The following SEPTIN6 variants were observed in gnomAD, a reference collection of about 807,000 sequenced individuals.
SEPTIN6 encodes septin 6.
A neutral mutation model predicts 33.6 loss-of-function variants in SEPTIN6; 8 were observed. That is an observed-to-expected ratio of 0.24 (90% CI 0.14 to 0.43). SEPTIN6 has a LOEUF of 0.43. Ranked by LOEUF, SEPTIN6 falls within the 20% of genes least tolerant of loss-of-function variation. The pLI is 1.00. For missense variants in SEPTIN6, 250 were observed against 340.8 expected (o/e 0.73, Z 2.10); for synonymous variants, 131 against 140.0 (o/e 0.94, Z 0.45).
intron 1 of SEPTIN6, among the ~76,000 whole-genome samples, chrX:119,682,294 G>C (rs762224110): frequency 2.7e-5 from 3 of 111,496 alleles, no homozygotes; most frequent in African/African-American, 9.8e-5. Flanking sequence ...GAATGTATTC[G>C]CATGTTACCC....
At chrX:119,658,194 A>G (rs2054485381) in intron 3 of SEPTIN6, among the ~76,000 whole-genome samples, 1 of 112,431 alleles carries the variant, frequency 8.9e-6, no homozygotes, top group African/African-American at 3.2e-5. Context: ...TTTGCTGATT[A>G]TCTTTCCAGA....
Position 119,693,073 on chromosome X carries a change from T to TA in SEPTIN6, c.30+2dup. ...GGCCCTGGCACCCAAGCTCTGCACTTACCACCTGGCGAGCTATATCGGTCG... is the reference window on the plus strand; with the variant it reads ...GGCCCTGGCACCCAAGCTCTGCACTTAACCACCTGGCGAGCTATATCGGTCG... On this transcript the variant is annotated splice_region_variant and intron_variant, in intron 1 of 10. Coordinates refer to ENST00000394610, the MANE Select transcript of SEPTIN6 (RefSeq NM_145799.4). 2 of 1,174,293 alleles carry TA rather than the reference T, an allele frequency of 1.7e-6. No individual in the cohort carries two copies. The highest frequency in any genetic ancestry group is 2.3e-6 in the Non-Finnish European group (2 of 876,570).
rs1461143796 is a variant in SEPTIN6 at position 119,617,255 on chromosome X, A to T, written c.*2838T>A. ...AGAGTACTTAGGGTATTTTTTTTTT[A>T]AATAGTAACAGTTGTACTAATTTAA... is the stretch of plus-strand genomic sequence containing the variant. On this transcript the variant is annotated 3_prime_UTR_variant, in exon 11 of 11. Coordinates refer to ENST00000394610, the MANE Select transcript of SEPTIN6 (RefSeq NM_145799.4). 22 of 783,225 alleles carry T rather than the reference A, an allele frequency of 2.8e-5. No individual in the cohort carries two copies. Among genetic ancestry groups the T allele is most frequent in the Admixed American group, 7.7e-5 (1 of 12,920 alleles). 64.5% of individuals were successfully genotyped at this position (783,225 alleles called of 1,213,427 possible).
At chrX:119,647,451 C>T (rs1375385105) in intron 5 of SEPTIN6, among the ~76,000 whole-genome samples, 1 of 91,653 alleles carries the variant, frequency 1.1e-5, no homozygotes, top group Non-Finnish European at 2.1e-5. Flanking sequence ...TCTTTATTTA[C>T]TTTCTTTTTC....
At chrX:119,680,929 C>T (rs2057813478) in intron 1 of SEPTIN6, among the ~76,000 whole-genome samples, 1 of 105,315 alleles carries the variant, frequency 9.5e-6, no homozygotes, top group Non-Finnish European at 1.9e-5. Context: ...TGCATTGAGC[C>T]GAGATCACGC....
chrX:119,662,354 A>G (rs894786065), intron 3 of SEPTIN6, among the ~76,000 whole-genome samples: 2 of 111,747 alleles, frequency 1.8e-5, no homozygotes, highest in African/African-American at 3.3e-5. Context: ...TGTCCAAAAC[A>G]GAGCTGATTA....
At chrX:119,657,238 C>A (rs867675319) in intron 3 of SEPTIN6, among the ~76,000 whole-genome samples, 5,151 of 106,424 alleles carry the variant, frequency 0.048, 163 homozygotes, top group Non-Finnish European at 0.067. Context: ...AAAAACAAAA[C>A]AAAAAAACTG....
At chrX:119,650,559 C>T (rs760540348) in intron 4 of SEPTIN6, among the ~76,000 whole-genome samples, 1 of 111,528 alleles carries the variant, frequency 9.0e-6, no homozygotes, top group South Asian at 3.7e-4. Context: ...AGACTTGAAG[C>T]AGAAAGGTGA....
chrX:119,620,192 T>G lies in SEPTIN6; in HGVS notation c.*42-141A>C. On this transcript the variant is annotated intron_variant, in intron 10 of 10. Transcript: ENST00000394610. Reference sequence around the variant, plus strand: ...ATGTTAGATGGTCTTAAGGTCTTATTGCATTGGCTCCGGGGAACATGCTTT... The same window carrying G: ...ATGTTAGATGGTCTTAAGGTCTTATGGCATTGGCTCCGGGGAACATGCTTT... 6.4e-5 allele frequency: 31 copies of G among 487,166 alleles called. No homozygotes were observed. The South Asian group carries it at 1.0e-3, about 16-fold the overall frequency. The allele number at this position is 487,166 out of a possible 1,213,427, so 40.1% of individuals were successfully genotyped here. A position where few individuals can be genotyped will look rare whatever the true frequency, so the allele number is the denominator to read the frequency against.
At chrX:119,641,637 C>A (rs2054160830) in intron 5 of SEPTIN6, among the ~76,000 whole-genome samples, 1 of 111,627 alleles carries the variant, frequency 9.0e-6, no homozygotes, top group Non-Finnish European at 1.9e-5. Context: ...TTGGTGCTCA[C>A]AGGGAAAATG....
Position 119,618,181 on chromosome X carries a change from T to TTC in SEPTIN6, c.*1911_*1912insGA. 1.3e-6 allele frequency: 1 copy of TTC among 795,910 alleles called. No individual in the cohort carries two copies. Among genetic ancestry groups the TTC allele is most frequent in the East Asian group, 7.2e-5 (1 of 13,832 alleles). 65.6% of individuals were successfully genotyped at this position (795,910 alleles called of 1,213,427 possible). ...TCTGAGCAGATTTTTTTTTTTTTTT[T>TTC]TTTGGTCGTTGGTTTGTTTCTACCT... On this transcript the variant is annotated 3_prime_UTR_variant, in exon 11 of 11. Transcript: ENST00000394610.
At position 119,681,131 on chromosome X, in the gene SEPTIN6, G is replaced by A. The variant is rs146616830; in HGVS notation, c.31-5463C>T. On this transcript the variant is annotated intron_variant, in intron 1 of 10. Transcript: ENST00000394610. Reference sequence around the variant, plus strand: ...CATTGTTCAGAGTTAAATACGCAAAGGTAGGAAGGACAGAAGGACACAACA... The same window carrying A: ...CATTGTTCAGAGTTAAATACGCAAAAGTAGGAAGGACAGAAGGACACAACA... Among the ~76,000 whole-genome samples, 412 of 111,148 alleles carry A rather than the reference G, an allele frequency of 3.7e-3. 3 individuals carry two copies. Among genetic ancestry groups the A allele is most frequent in the African/African-American group, 0.012 (363 of 30,646 alleles).
At chrX:119,656,367 G>T (rs911834202) in intron 3 of SEPTIN6, among the ~76,000 whole-genome samples, 2 of 112,213 alleles carry the variant, frequency 1.8e-5, no homozygotes, top group Admixed American at 9.5e-5. Flanking sequence ...CATTTGAGCC[G>T]CAAGGATGAG....
At chrX:119,653,525 G>GT (rs1381344241) in intron 3 of SEPTIN6, among the ~76,000 whole-genome samples, 2 of 112,615 alleles carry the variant, frequency 1.8e-5, no homozygotes, top group Non-Finnish European at 3.8e-5. Flanking sequence ...CCCACTGGCT[G>GT]TATCTGTAGA....
intron 3 of SEPTIN6, among the ~76,000 whole-genome samples, chrX:119,658,274 G>A (rs1365468473): frequency 8.9e-6 from 1 of 111,942 alleles, no homozygotes; most frequent in Non-Finnish European, 1.9e-5. Flanking sequence ...GAGGGGGGCA[G>A]ATTTACAGAC....
chrX:119,662,921 C>T (rs2054573372), intron 3 of SEPTIN6, among the ~76,000 whole-genome samples: 1 of 111,968 alleles, frequency 8.9e-6, no homozygotes, highest in Admixed American at 9.5e-5. Flanking sequence ...CTCTCCATTC[C>T]CTTGTCTGTC....
chrX:119,617,427 G>A lies in SEPTIN6; in HGVS notation c.*2666C>T. The A allele has an allele frequency of 1.2e-6, 1 of 802,680 alleles. No individual in the cohort carries two copies. The highest frequency in any genetic ancestry group is 6.6e-5 in the South Asian group (1 of 15,185). The allele number at this position is 802,680 out of a possible 1,213,427, so 66.1% of individuals were successfully genotyped here. A position where few individuals can be genotyped will look rare whatever the true frequency, so the allele number is the denominator to read the frequency against. On this transcript the variant is annotated 3_prime_UTR_variant, in exon 11 of 11. Transcript: ENST00000394610. Reference sequence around the variant, plus strand: ...TTCACCAAACTTCCCTGATTATAAGGGTCACCTAGGGCACCTGTTACACAC... The same window carrying A: ...TTCACCAAACTTCCCTGATTATAAGAGTCACCTAGGGCACCTGTTACACAC...
intron 6 of SEPTIN6, among the ~76,000 whole-genome samples, chrX:119,639,363 G>A (rs1049443990): frequency 7.2e-5 from 8 of 111,646 alleles, no homozygotes; most frequent in Admixed American, 2.9e-4. Flanking sequence ...TACCCACAGC[G>A]CCATCCTTGG....
At position 119,617,845 on chromosome X, in the gene SEPTIN6, T is replaced by C. The variant is rs2053689909; in HGVS notation, c.*2248A>G. ...TAAAATGTCTCCCTTAATATAAAAC[T>C]CCTCCTTAGTTTCTGAAGGTCTCTC... On this transcript the variant is annotated 3_prime_UTR_variant, in exon 11 of 11. Transcript: ENST00000394610. 2.5e-6 allele frequency: 2 copies of C among 802,233 alleles called. No homozygotes were observed. The highest frequency in any genetic ancestry group is 1.4e-4 in the East Asian group (2 of 14,124). The allele number at this position is 802,233 out of a possible 1,213,427, so 66.1% of individuals were successfully genotyped here.
Sources: gnomAD v4.1 joint callset for allele counts (sites outside exome capture counted in the v4.1 genomes callset) on GRCh38, gnomAD v4.1.1 for gene constraint, MANE v1.5 for transcripts, NCBI Gene and HGNC (gene_info 2026-07-23, HGNC 2026-07-21) for gene names.